The following KIF5C variants were observed in gnomAD, a reference collection of about 807,000 sequenced individuals.
KIF5C encodes the protein kinesin family member 5C.
Under a neutral mutation model 125.2 loss-of-function variants are expected in KIF5C, and 18 were observed. The ratio of observed to expected loss-of-function variants is 0.14; its 90% CI spans 0.10 to 0.21. The LOEUF is 0.21. KIF5C is among the 10% of genes least tolerant of loss of function. The probability of loss-of-function intolerance (pLI) is 1.00; values close to 1 mark genes in which losing one functional copy is unlikely to be tolerated. For synonymous variants in KIF5C, 405 were observed against 434.0 expected (o/e 0.93, Z 0.83); for missense variants, 780 against 1,183.8 (o/e 0.66, Z 5.01).
In KIF5C at chr2:149,024,828, C is replaced by T. The variant is rs1400475434; in HGVS notation, c.*1758C>T. On this transcript the variant is annotated 3_prime_UTR_variant, in exon 26 of 26. Transcript: ENST00000435030. ...TCAGTGCCAGCCCAATATACCTGCT[C>T]TACCATTATTTGCGGTCTGATAAAA... 1.3e-5 allele frequency: 2 copies of T among 152,466 alleles called. No homozygotes were observed. The highest frequency in any genetic ancestry group is 4.8e-5 in the African/African-American group (2 of 41,360). 9.4% of individuals were successfully genotyped at this position (152,466 alleles called of 1,614,324 possible). A position where few individuals can be genotyped will look rare whatever the true frequency, so the allele number is the denominator to read the frequency against.
intron 1 of KIF5C, among the ~76,000 whole-genome samples, chr2:148,894,182 G>C (rs1055132911): frequency 6.6e-6 from 1 of 152,204 alleles, no homozygotes; most frequent in African/African-American, 2.4e-5. Flanking sequence ...AATGAAAATA[G>C]TTTTGTATTG....
chr2:148,930,289 G>T (rs1682146275), intron 3 of KIF5C, among the ~76,000 whole-genome samples: 1 of 151,826 alleles, frequency 6.6e-6, no homozygotes, highest in African/African-American at 2.4e-5. Context: ...AACAAGGCAG[G>T]TCTGCAGACA....
At position 148,924,004 on chromosome 2, in the gene KIF5C, A is replaced by G. The variant is rs914665138; in HGVS notation, c.217+1777A>G. 6.6e-6 allele frequency among the ~76,000 whole-genome samples: 1 copy of G among 152,244 alleles called. No homozygotes were observed. On this transcript the variant is annotated intron_variant, in intron 2 of 25. Transcript: ENST00000435030. The surrounding 1 kb of genome is among the most constrained non-coding windows in gnomAD (Gnocchi z 4.0). ...TAGCAGAATAAAATCAGGCGCTGAC[A>G]TGATATGACTAACAGACATTTCTAG...
chr2:148,969,565 T>A (rs75913805), intron 11 of KIF5C, among the ~76,000 whole-genome samples: 3,118 of 152,166 alleles, frequency 0.02, 94 homozygotes, highest in African/African-American at 0.065. Context: ...AAATCTGCTT[T>A]TAATGCAAAG....
At chr2:148,966,926 C>T (rs1243062244) in intron 11 of KIF5C, among the ~76,000 whole-genome samples, 1 of 152,188 alleles carries the variant, frequency 6.6e-6, no homozygotes, top group Admixed American at 6.5e-5. Flanking sequence ...TCTTGGACTT[C>T]TAGCCTCCAG....
chr2:149,005,890 C>T (rs1166694032), intron 22 of KIF5C, among the ~76,000 whole-genome samples: 1 of 152,178 alleles, frequency 6.6e-6, no homozygotes, highest in Non-Finnish European at 1.5e-5. Context: ...AGCACGTCAA[C>T]ATCCAGTATT....
chr2:148,983,710 C>T lies in KIF5C; in HGVS notation c.1660C>T (p.Leu554=). 6.2e-7 allele frequency: 1 copy of T among 1,612,206 alleles called. No homozygotes were observed. The highest frequency in any genetic ancestry group is 8.5e-7 in the Non-Finnish European group (1 of 1,178,870). The change falls in exon 15 of 26, where the codon CTG becomes TTG. Residue 554 remains leucine, a synonymous_variant. Coordinates refer to ENST00000435030, the MANE Select transcript of KIF5C (RefSeq NM_004522.3). ...KKRATEILNL[L]LKDLGEIGGI... ...AAGGGCAACTGAGATCCTGAATTTGCTGTTGAAAGATCTGGGGGAGATAGG... is the reference window on the plus strand; with the variant it reads ...AAGGGCAACTGAGATCCTGAATTTGTTGTTGAAAGATCTGGGGGAGATAGG...
At chr2:148,979,123 T>G (rs1304060634) in intron 13 of KIF5C, 133 bp downstream of exon 13, 4 of 1,228,634 alleles carry the variant, frequency 3.3e-6, no homozygotes, top group Non-Finnish European at 4.2e-6. Flanking sequence ...TCTTGGTAGA[T>G]GTCCCTTCAC....
intron 1 of KIF5C, among the ~76,000 whole-genome samples, chr2:148,889,019 T>C (rs919265860): frequency 7.2e-5 from 11 of 152,310 alleles, no homozygotes; most frequent in Admixed American, 7.2e-4. Flanking sequence ...CTAATGAGCA[T>C]CTGCATGCAC....
chr2:148,973,281 A>G, intron 11 of KIF5C, 55 bp from the exon 12 acceptor site: 1 of 1,558,204 alleles, frequency 6.4e-7, no homozygotes, highest in Non-Finnish European at 8.6e-7. Context: ...CTCTTCCTGG[A>G]GGGTTGCATA....
At chr2:148,995,858 T>C (rs1166641206) in intron 17 of KIF5C, among the ~76,000 whole-genome samples, 1 of 152,204 alleles carries the variant, frequency 6.6e-6, no homozygotes, top group Admixed American at 6.5e-5. Context: ...TTATAACTAT[T>C]AAAAATGAAT....
rs565191448 is a variant in KIF5C, at chr2:148,984,257, C to T, written c.1716+491C>T. 3.9e-5 allele frequency among the ~76,000 whole-genome samples: 6 copies of T among 152,334 alleles called. No individual in the cohort carries two copies. The South Asian group carries it at 1.2e-3, about 32-fold the overall frequency. On this transcript the variant is annotated intron_variant, in intron 15 of 25. Transcript: ENST00000435030. ...ATGAGAAGTCTAAAATCTTGCCACT[C>T]AGGGTGTGATCTGCCTCACCTGGGA...
chr2:148,947,888 G>A (rs1249969527), intron 8 of KIF5C: 2 of 456,620 alleles, frequency 4.4e-6, no homozygotes, highest in Admixed American at 2.3e-5. Flanking sequence ...CTCCCTAACT[G>A]TATGATTGAT....
chr2:148,978,025 G>A (rs1043792450), intron 12 of KIF5C, among the ~76,000 whole-genome samples: 2 of 152,206 alleles, frequency 1.3e-5, no homozygotes, highest in Non-Finnish European at 2.9e-5. Context: ...TCTGTTTGGT[G>A]TTTAGACCCT....
rs1681297762 is a variant in KIF5C, at chr2:148,983,698, A to G, written c.1648A>G (p.Ile550Val). The change falls in exon 15 of 26, where the codon ATC becomes GTC. Residue 550 changes from isoleucine (I) to valine (V), a missense_variant. Transcript: ENST00000435030. ...SNHQKKRATEILNLLLKDLGE... is the reference protein window; with the variant it reads ...SNHQKKRATEVLNLLLKDLGE... ...CCACCAGAAGAAAAGGGCAACTGAG[A>G]TCCTGAATTTGCTGTTGAAAGATCT... The G allele has an allele frequency of 1.2e-6, 2 of 1,611,704 alleles. No homozygotes were observed. Among genetic ancestry groups the G allele is most frequent in the South Asian group, 2.2e-5 (2 of 90,572 alleles).
intron 1 of KIF5C, among the ~76,000 whole-genome samples, chr2:148,902,384 T>C (rs1012369404): frequency 1.8e-4 from 27 of 152,220 alleles, no homozygotes; most frequent in Non-Finnish European, 3.5e-4. Flanking sequence ...TGGTGCGATC[T>C]TGACTCACTG....
In KIF5C at chr2:148,875,534, G is replaced by A. The variant is rs1405479405; in HGVS notation, c.-84G>A. 8.6e-7 allele frequency: 1 copy of A among 1,162,614 alleles called. No individual in the cohort carries two copies. The highest frequency in any genetic ancestry group is 2.0e-5 in the Admixed American group (1 of 49,660). The allele number at this position is 1,162,614 out of a possible 1,614,324, so 72.0% of individuals were successfully genotyped here. A position where few individuals can be genotyped will look rare whatever the true frequency, so the allele number is the denominator to read the frequency against. ...TGCAGGAGGCGGCCTAGCTGTGGGCGGTGCAGCTCGCGGCCTCCTCCCTCG... is the reference window on the plus strand; with the variant it reads ...TGCAGGAGGCGGCCTAGCTGTGGGCAGTGCAGCTCGCGGCCTCCTCCCTCG... On this transcript the variant is annotated 5_prime_UTR_variant, in exon 1 of 26. Coordinates refer to ENST00000435030, the MANE Select transcript of KIF5C (RefSeq NM_004522.3).
At chr2:148,990,035 T>TAA (rs1681484092) in intron 15 of KIF5C, among the ~76,000 whole-genome samples, 1 of 152,204 alleles carries the variant, frequency 6.6e-6, no homozygotes, top group Non-Finnish European at 1.5e-5. Context: ...AAGCCTGTGT[T>TAA]TCTGCGCTGG....
chr2:148,929,303 G>A lies in KIF5C; in HGVS notation c.240G>A (p.Gly80=). The change falls in exon 3 of 26, where the codon GGG becomes GGA. Residue 80 remains glycine (G), a synonymous_variant. Transcript: ENST00000435030. ...IVKDVLEGYN[G]TIFAYGQTSS... is the part of the protein sequence containing the mutation. ...CAGATGTCCTTGAAGGTTATAACGG[G>A]ACGATTTTTGCGTATGGGCAGACTT... The A allele has an allele frequency of 6.5e-7, 1 of 1,536,150 alleles. No individual in the cohort carries two copies. Among genetic ancestry groups the A allele is most frequent in the Non-Finnish European group, 8.7e-7 (1 of 1,145,994 alleles).
Sources: gnomAD v4.1 joint callset for allele counts (sites outside exome capture counted in the v4.1 genomes callset) on GRCh38, gnomAD v4.1.1 for gene constraint, Gnocchi (gnomAD v3.1) non-coding constraint, MANE v1.5 for transcripts, NCBI Gene and HGNC (gene_info 2026-07-23, HGNC 2026-07-21) for gene names.